Variants in SOX6 observed in about 807,000 individuals in gnomAD.
SOX6 encodes SRY-box transcription factor 6.
Under a neutral mutation model 97.8 loss-of-function variants are expected in SOX6, and 11 were observed. That is an observed-to-expected ratio of 0.11 (90% CI 0.07 to 0.19). The LOEUF (loss-of-function observed/expected upper bound fraction) is 0.19, where lower values mean the gene tolerates loss of function less well. SOX6 is among the 10% of genes least tolerant of loss of function. The pLI is 1.00. For missense variants in SOX6, 810 were observed against 1,039.5 expected, an observed-to-expected ratio of 0.78 and a Z score of 3.04; for synonymous variants, 360 against 371.4, an observed-to-expected ratio of 0.97 and a Z score of 0.35.
chr11:16,630,974 G>A (rs1848699240), intron 3 of SOX6, among the ~76,000 whole-genome samples: 2 of 152,058 alleles, frequency 1.3e-5, no homozygotes, highest in Admixed American at 6.6e-5. Flanking sequence ...GCCTATGGAT[G>A]TTGTTATGTG....
intron 3 of SOX6, among the ~76,000 whole-genome samples, chr11:16,677,937 T>A (rs2134027969): frequency 6.6e-6 from 1 of 152,342 alleles, no homozygotes; most frequent in Admixed American, 6.5e-5. Flanking sequence ...TAGTGTCTTT[T>A]AAGAAATTGA....
At chr11:16,571,698 C>A (rs953809603) in intron 4 of SOX6, among the ~76,000 whole-genome samples, 1 of 152,194 alleles carries the variant, frequency 6.6e-6, no homozygotes, top group Non-Finnish European at 1.5e-5. Context: ...GTCACCCAGG[C>A]TGGAGTGCAG....
chr11:16,140,178 T>C (rs1850093056), intron 6 of SOX6, among the ~76,000 whole-genome samples: 1 of 152,006 alleles, frequency 6.6e-6, no homozygotes, highest in African/African-American at 2.4e-5. Context: ...AGGACCCAAC[T>C]CTTGTTAAGC....
chr11:16,263,954 T>G, intron 3 of SOX6, among the ~76,000 whole-genome samples: 1 of 151,910 alleles, frequency 6.6e-6, no homozygotes, highest in East Asian at 1.9e-4. Context: ...ACTGGTCCAA[T>G]GTTATTTAGG....
At chr11:15,983,087 T>C (rs1853720557) in intron 15 of SOX6, among the ~76,000 whole-genome samples, 1 of 152,046 alleles carries the variant, frequency 6.6e-6, no homozygotes, top group South Asian at 2.1e-4. Flanking sequence ...TCTGTACACA[T>C]GAGTTTCAGA....
chr11:16,434,970 T>G (rs1859346254), intron 1 of SOX6, among the ~76,000 whole-genome samples: 1 of 152,264 alleles, frequency 6.6e-6, no homozygotes, highest in Non-Finnish European at 1.5e-5. Context: ...CCAGCTGACA[T>G]AAGTATACAA....
chr11:15,975,272 G>T (rs1388380298), intron 15 of SOX6, among the ~76,000 whole-genome samples: 1 of 152,098 alleles, frequency 6.6e-6, no homozygotes, highest in Non-Finnish European at 1.5e-5. Context: ...TAAGTTTTGG[G>T]CAAATTAACA....
chr11:16,517,113 T>C (rs1454805866), intron 4 of SOX6, among the ~76,000 whole-genome samples: 1 of 151,338 alleles, frequency 6.6e-6, no homozygotes, highest in Non-Finnish European at 1.5e-5. Context: ...AAAAGGCCTT[T>C]GACAAAATTC....
At chr11:16,100,782 G>A (rs1374181001) in intron 7 of SOX6, among the ~76,000 whole-genome samples, 2 of 150,452 alleles carry the variant, frequency 1.3e-5, no homozygotes, top group Non-Finnish European at 3.0e-5. Context: ...AAAATCCCAT[G>A]GGTAAAAGTC....
At chr11:15,986,072 A>G in intron 15 of SOX6, 132 bp downstream of exon 15, 2 of 895,388 alleles carry the variant, frequency 2.2e-6, no homozygotes, top group South Asian at 2.7e-5. Context: ...AAAGATTCTC[A>G]TGGCCAAGCC....
intron 7 of SOX6, among the ~76,000 whole-genome samples, chr11:16,101,006 T>C (rs553854847): frequency 6.6e-6 from 1 of 151,804 alleles, no homozygotes; most frequent in South Asian, 2.1e-4. Context: ...AAGAAAAATA[T>C]GTTACACATC....
At chr11:16,093,211 C>T (rs963044956) in intron 9 of SOX6, among the ~76,000 whole-genome samples, 4 of 151,922 alleles carry the variant, frequency 2.6e-5, no homozygotes, top group African/African-American at 9.7e-5. Flanking sequence ...GTTCAAACCC[C>T]TCAACCTTCA....
At chr11:16,730,456 C>T (rs1217199340) in intron 2 of SOX6, among the ~76,000 whole-genome samples, 2 of 152,136 alleles carry the variant, frequency 1.3e-5, no homozygotes, top group African/African-American at 4.8e-5. Flanking sequence ...CAAAACCGCA[C>T]AACTACATGG....
rs768665119 is a variant in SOX6, at chr11:16,014,900, A to C, written c.1732+42T>G. ...ATCTAGCTCAGACACACATTTGGAA[A>C]CACATGGAGCAGCAGAAAAGAACTA... On this transcript the variant is annotated intron_variant, in intron 13 of 15. Transcript: ENST00000683767. 45 of 1,559,568 alleles carry C rather than the reference A, an allele frequency of 2.9e-5. No individual in the cohort carries two copies. The Admixed American group carries it at 7.4e-4, about 26-fold the overall frequency.
At chr11:16,576,671 C>T (rs573819497) in intron 4 of SOX6, among the ~76,000 whole-genome samples, 2 of 152,044 alleles carry the variant, frequency 1.3e-5, no homozygotes, top group South Asian at 4.1e-4. Flanking sequence ...TTTAAAGGAA[C>T]TATAATATGA....
chr11:16,435,375 T>C (rs1859356723), intron 1 of SOX6, among the ~76,000 whole-genome samples: 1 of 152,188 alleles, frequency 6.6e-6, no homozygotes, highest in Non-Finnish European at 1.5e-5. Flanking sequence ...CACATAATGA[T>C]ATAAATATAA....
intron 6 of SOX6, among the ~76,000 whole-genome samples, chr11:16,120,164 C>G (rs1849452211): frequency 1.4e-5 from 2 of 143,964 alleles, no homozygotes; most frequent in Non-Finnish European, 3.1e-5. Flanking sequence ...TTCCCTCCCC[C>G]TCCTGCTCTC....
intron 9 of SOX6, among the ~76,000 whole-genome samples, chr11:16,082,262 A>G (rs943762944): frequency 6.6e-6 from 1 of 152,194 alleles, no homozygotes; most frequent in Non-Finnish European, 1.5e-5. Flanking sequence ...GTCTGCTAAT[A>G]AAGTGAACAG....
chr11:16,678,621 G>C (rs938176016), intron 3 of SOX6, among the ~76,000 whole-genome samples: 16 of 152,106 alleles, frequency 1.1e-4, no homozygotes, highest in African/African-American at 3.9e-4. Flanking sequence ...TACAACCCAA[G>C]GATGGCAAGC....
Sources: gnomAD v4.1 joint callset for allele counts (sites outside exome capture counted in the v4.1 genomes callset) on GRCh38, gnomAD v4.1.1 for gene constraint, MANE v1.5 for transcripts, NCBI Gene and HGNC (gene_info 2026-07-23, HGNC 2026-07-21) for gene names.